SMAP1: variants seen among roughly 807,000 people sequenced by gnomAD.
The protein encoded by SMAP1 is stromal membrane-associated protein 1.
A neutral mutation model predicts 58.5 loss-of-function variants in SMAP1; 24 were observed. That is an observed-to-expected ratio of 0.41 (90% CI 0.30 to 0.58). The LOEUF is 0.58. Among genes scored for constraint, SMAP1 ranks in the 20% least tolerant of loss-of-function variants. The pLI is 0.29. For missense variants in SMAP1, 563 were observed against 566.3 expected (o/e 0.99, Z 0.06); for synonymous variants, 216 against 196.6 (o/e 1.10, Z -0.82).
intron 1 of SMAP1, among the ~76,000 whole-genome samples, chr6:70,673,139 G>A (rs1766336942): frequency 6.6e-6 from 1 of 152,164 alleles, no homozygotes. Context: ...CAGGAATCAG[G>A]TACTTACCAA....
chr6:70,763,832 C>T (rs986003129), intron 3 of SMAP1, among the ~76,000 whole-genome samples: 1 of 152,174 alleles, frequency 6.6e-6, no homozygotes, highest in Non-Finnish European at 1.5e-5. Flanking sequence ...TTTAACTCTT[C>T]AGTTCTGTGA....
At chr6:70,833,697 G>A (rs1770454182) in intron 6 of SMAP1, among the ~76,000 whole-genome samples, 1 of 152,184 alleles carries the variant, frequency 6.6e-6, no homozygotes, top group African/African-American at 2.4e-5. Flanking sequence ...GTGCTCACAT[G>A]TGTGTGCAAA....
chr6:70,794,986 C>A (rs1279623475), intron 5 of SMAP1, among the ~76,000 whole-genome samples: 2 of 151,998 alleles, frequency 1.3e-5, no homozygotes, highest in Non-Finnish European at 2.9e-5. Flanking sequence ...GATGGGGTTT[C>A]ACCGTGTTAG....
chr6:70,731,721 C>T (rs1375579085), intron 1 of SMAP1, among the ~76,000 whole-genome samples: 1 of 152,176 alleles, frequency 6.6e-6, no homozygotes, highest in African/African-American at 2.4e-5. Flanking sequence ...GAGATTTAGC[C>T]ATGTTGATGC....
intron 1 of SMAP1, among the ~76,000 whole-genome samples, chr6:70,726,529 A>G (rs898455566): frequency 2.0e-5 from 3 of 152,242 alleles, no homozygotes; most frequent in Non-Finnish European, 2.9e-5. Context: ...TTAGCATTAA[A>G]TTCTTTGTTC....
At chr6:70,682,058 TGA>T (rs1161127263) in intron 1 of SMAP1, among the ~76,000 whole-genome samples, 1 of 151,870 alleles carries the variant, frequency 6.6e-6, no homozygotes, top group African/African-American at 2.4e-5. Flanking sequence ...GATCAATTTG[TGA>T]GAGAGTAAGA....
At chr6:70,745,741 C>T (rs1238810974) in intron 2 of SMAP1, among the ~76,000 whole-genome samples, 13 of 152,098 alleles carry the variant, frequency 8.5e-5, no homozygotes, top group East Asian at 1.9e-4. Context: ...GGGGATGGCA[C>T]TGAATCTATA....
At chr6:70,784,472 T>C (rs933148945) in intron 4 of SMAP1, among the ~76,000 whole-genome samples, 1 of 152,218 alleles carries the variant, frequency 6.6e-6, no homozygotes, top group African/African-American at 2.4e-5. Flanking sequence ...TAAATGTAAA[T>C]GGGCTAAATG....
intron 4 of SMAP1, among the ~76,000 whole-genome samples, chr6:70,782,867 A>G (rs910905115): frequency 2.0e-5 from 3 of 152,206 alleles, no homozygotes; most frequent in Non-Finnish European, 4.4e-5. Flanking sequence ...GCTCCGGTCT[A>G]CAGCTCCCAG....
At chr6:70,750,053 A>G (rs1390444023) in intron 2 of SMAP1, among the ~76,000 whole-genome samples, 8 of 152,090 alleles carry the variant, frequency 5.3e-5, no homozygotes, top group Admixed American at 1.3e-4. Flanking sequence ...CTCTTATTAT[A>G]TTTAATTATT....
intron 3 of SMAP1, among the ~76,000 whole-genome samples, chr6:70,771,789 T>C (rs1268156211): frequency 6.6e-6 from 1 of 152,156 alleles, no homozygotes; most frequent in African/African-American, 2.4e-5. Flanking sequence ...TACTCCCTAG[T>C]GAGATGAATC....
At chr6:70,807,503 G>A (rs531249316) in intron 6 of SMAP1, among the ~76,000 whole-genome samples, 3 of 152,222 alleles carry the variant, frequency 2.0e-5, no homozygotes, top group Admixed American at 2.0e-4. Flanking sequence ...TTAGATTTAT[G>A]TACCAGGTTG....
At position 70,860,507 on chromosome 6, in the gene SMAP1, A is replaced by G. The variant is rs1771671725; in HGVS notation, c.*173A>G. On this transcript the variant is annotated 3_prime_UTR_variant, in exon 11 of 11. Transcript: ENST00000370455. The stretch of plus-strand genomic sequence containing the variant: ...TACTGATTCAATTTGATGTGGTGAA[A>G]AGCAGGTTGATAAATCATTTTATGT... 1 of 618,478 alleles carries G rather than the reference A, an allele frequency of 1.6e-6. No individual in the cohort carries two copies. Among genetic ancestry groups the G allele is most frequent in the South Asian group, 6.3e-5 (1 of 15,880 alleles). The allele number at this position is 618,478 out of a possible 1,614,324, so 38.3% of individuals were successfully genotyped here.
intron 2 of SMAP1, among the ~76,000 whole-genome samples, chr6:70,737,663 G>A (rs1341460265): frequency 6.6e-6 from 1 of 152,086 alleles, no homozygotes; most frequent in African/African-American, 2.4e-5. Flanking sequence ...GTAGTGCTGT[G>A]GTGGCTTCCA....
At chr6:70,729,980 A>T (rs1363176063) in intron 1 of SMAP1, among the ~76,000 whole-genome samples, 2 of 152,134 alleles carry the variant, frequency 1.3e-5, no homozygotes, top group Non-Finnish European at 2.9e-5. Flanking sequence ...TTTTCATGAT[A>T]TTTCCAGTTG....
intron 1 of SMAP1, among the ~76,000 whole-genome samples, chr6:70,703,369 C>T (rs1262603855): frequency 2.0e-5 from 3 of 152,194 alleles, no homozygotes; most frequent in Non-Finnish European, 2.9e-5. Flanking sequence ...CCACCACGCT[C>T]AGCCAGCATT....
chr6:70,798,755 A>C lies in SMAP1; in HGVS notation c.576+18A>C. On this transcript the variant is annotated intron_variant, in intron 6 of 10. Coordinates refer to ENST00000370455, the MANE Select transcript of SMAP1 (RefSeq NM_001044305.3). The stretch of plus-strand genomic sequence containing the variant: ...CTGAAAAGGTAAAATTCTTTTTTTA[A>C]AAATAATCTATTAGGATTACCATTT... 6.6e-7 allele frequency: 1 copy of C among 1,521,792 alleles called. No homozygotes were observed. The highest frequency in any genetic ancestry group is 2.1e-5 in the Admixed American group (1 of 48,054). The allele number at this position is 1,521,792 out of a possible 1,614,324, so 94.3% of individuals were successfully genotyped here. A position where few individuals can be genotyped will look rare whatever the true frequency, so the allele number is the denominator to read the frequency against.
intron 2 of SMAP1, among the ~76,000 whole-genome samples, chr6:70,751,748 C>G (rs1394457638): frequency 1.3e-5 from 2 of 152,118 alleles, no homozygotes. Context: ...CAAAATGATG[C>G]TAAGTACTAA....
Position 70,695,681 on chromosome 6 carries a change from T to C in SMAP1, c.118+27540T>C, listed in dbSNP as rs144980553. On this transcript the variant is annotated intron_variant, in intron 1 of 10. Transcript: ENST00000370455. Reference sequence around the variant, plus strand: ...CTTTTTAATATGTTGTTTAATTTGATTTGCTAGTATTTTGTTGAGGATTTT... The same window carrying C: ...CTTTTTAATATGTTGTTTAATTTGACTTGCTAGTATTTTGTTGAGGATTTT... Among the ~76,000 whole-genome samples, 63 of 152,346 alleles carry C rather than the reference T, an allele frequency of 4.1e-4. 2 individuals carry two copies. The East Asian group carries it at 0.012, about 29-fold the overall frequency.
Sources: allele counts gnomAD v4.1 joint callset (sites outside exome capture counted in the v4.1 genomes callset), GRCh38; gene constraint gnomAD v4.1.1; transcripts MANE v1.5; gene names NCBI Gene and HGNC (gene_info 2026-07-23, HGNC 2026-07-21).